The following SIGLECL1 variants were observed in gnomAD, a reference collection of about 807,000 sequenced individuals.
The protein encoded by SIGLECL1 is SIGLEC family like 1.
Under a neutral mutation model 19.1 loss-of-function variants are expected in SIGLECL1, and 16 were observed. That is an observed-to-expected ratio of 0.84 (90% CI 0.57 to 1.27). SIGLECL1 has a LOEUF of 1.27. Among genes scored for constraint, SIGLECL1 ranks in the 50% most tolerant of loss-of-function variants. SIGLECL1 has a pLI of 0.00. For missense variants in SIGLECL1, 210 were observed against 239.4 expected (o/e 0.88, Z 0.81); for synonymous variants, 89 against 90.4 (o/e 0.98, Z 0.09).
intron 1 of SIGLECL1, among the ~76,000 whole-genome samples, chr19:51,252,296 CAA>C (rs71979736): frequency 4.6e-5 from 5 of 109,842 alleles, no homozygotes; most frequent in Non-Finnish European, 4.0e-5. Flanking sequence ...GACTCTGTCT[CAA>C]AAAAAAAAAA....
chr19:51,268,945 G>T lies in SIGLECL1; in HGVS notation c.*348G>T, dbSNP rs371687817. 10 of 227,998 alleles carry T rather than the reference G, an allele frequency of 4.4e-5. No homozygotes were observed. Among genetic ancestry groups the T allele is most frequent in the Non-Finnish European group, 6.0e-5 (7 of 115,944 alleles). 14.1% of individuals were successfully genotyped at this position (227,998 alleles called of 1,614,324 possible). A position where few individuals can be genotyped will look rare whatever the true frequency, so the allele number is the denominator to read the frequency against. On this transcript the variant is annotated 3_prime_UTR_variant, in exon 6 of 6. Coordinates refer to ENST00000601727, the MANE Select transcript of SIGLECL1 (RefSeq NM_001385465.1). Reference sequence around the variant, plus strand: ...GTCCATCAGCAAGTTACTTTTGAGCGCCTACTGTGTGTCAGTGCCTGAGAT... The same window carrying T: ...GTCCATCAGCAAGTTACTTTTGAGCTCCTACTGTGTGTCAGTGCCTGAGAT...
chr19:51,258,692 A>G (rs1036828468), intron 1 of SIGLECL1, among the ~76,000 whole-genome samples: 4 of 152,218 alleles, frequency 2.6e-5, no homozygotes, highest in African/African-American at 9.6e-5. Flanking sequence ...GGCAAAGAAA[A>G]TTAGAGTGGT....
chr19:51,251,363 G>A lies in SIGLECL1; in HGVS notation c.-373G>A, dbSNP rs544531568. Reference sequence around the variant, plus strand: ...CGCAGGTCGGTTAGGCCACCAGGGCGGCTCTCGTGCCAGTGAGGCCCCTGA... The same window carrying A: ...CGCAGGTCGGTTAGGCCACCAGGGCAGCTCTCGTGCCAGTGAGGCCCCTGA... On this transcript the variant is annotated 5_prime_UTR_variant, in exon 1 of 6. Coordinates refer to ENST00000601727, the MANE Select transcript of SIGLECL1 (RefSeq NM_001385465.1). 4 of 152,832 alleles carry A rather than the reference G, an allele frequency of 2.6e-5. No individual in the cohort carries two copies. Among genetic ancestry groups the A allele is most frequent in the Admixed American group, 6.5e-5 (1 of 15,308 alleles). The allele number at this position is 152,832 out of a possible 1,614,324, so 9.5% of individuals were successfully genotyped here.
upstream of SIGLECL1, among the ~76,000 whole-genome samples, chr19:51,247,618 C>T (rs1041557737): frequency 1.3e-5 from 2 of 152,160 alleles, no homozygotes; most frequent in African/African-American, 2.4e-5. Context: ...GGGGTTTCAC[C>T]TTGTTAATCA....
At chr19:51,260,707 C>T (rs1197583071) in intron 1 of SIGLECL1, among the ~76,000 whole-genome samples, 1 of 152,128 alleles carries the variant, frequency 6.6e-6, no homozygotes, top group African/African-American at 2.4e-5. Context: ...GTACCACATT[C>T]TCACCAAGAC....
intron 4 of SIGLECL1, 37 bp from the exon 5 acceptor site, chr19:51,267,336 T>TG (rs758516178): frequency 1.1e-5 from 18 of 1,596,922 alleles, no homozygotes; most frequent in Non-Finnish European, 1.4e-5. Flanking sequence ...TTCAGGGAGA[T>TG]GGAGAGCCAG....
Position 51,268,568 on chromosome 19 carries a change from C to T in SIGLECL1, c.568-3C>T, listed in dbSNP as rs1983846415. 1.2e-6 allele frequency: 2 copies of T among 1,613,796 alleles called. No homozygotes were observed. Among genetic ancestry groups the T allele is most frequent in the East Asian group, 4.5e-5 (2 of 44,880 alleles). ...TTTGTTCTATTTTGCACCTCGCTTT[C>T]AGGAAAAGCAAGATAAACGAGCCAG... On this transcript the variant is annotated splice_polypyrimidine_tract_variant and splice_region_variant and intron_variant, in intron 5 of 5. Coordinates refer to ENST00000601727, the MANE Select transcript of SIGLECL1 (RefSeq NM_001385465.1).
chr19:51,260,537 A>T (rs1983137528), intron 1 of SIGLECL1, among the ~76,000 whole-genome samples: 1 of 152,146 alleles, frequency 6.6e-6, no homozygotes, highest in African/African-American at 2.4e-5. Context: ...ACCACTGTAA[A>T]CATTTTTGCA....
At chr19:51,255,655 G>C (rs1025692378) in intron 1 of SIGLECL1, among the ~76,000 whole-genome samples, 1 of 152,052 alleles carries the variant, frequency 6.6e-6, no homozygotes, top group Admixed American at 6.6e-5. Flanking sequence ...CATAAAAGAA[G>C]ACATACCAAA....
intron 1 of SIGLECL1, among the ~76,000 whole-genome samples, 152 bp downstream of exon 1, chr19:51,251,697 G>C (rs1009183645): frequency 8.5e-5 from 13 of 152,128 alleles, no homozygotes; most frequent in Non-Finnish European, 1.0e-4. Context: ...CGGTCTCTTG[G>C]TAAGTTACAC....
chr19:51,251,806 T>C (rs1015663898), intron 1 of SIGLECL1, among the ~76,000 whole-genome samples: 1 of 152,210 alleles, frequency 6.6e-6, no homozygotes, highest in African/African-American at 2.4e-5. Flanking sequence ...ATCGTTTTCC[T>C]CACCATAAAT....
upstream of SIGLECL1, among the ~76,000 whole-genome samples, chr19:51,247,361 TG>T (rs1982298184): frequency 6.6e-6 from 1 of 152,186 alleles, no homozygotes; most frequent in African/African-American, 2.4e-5. Flanking sequence ...CATAGATACT[TG>T]AACAAAATGA....
At chr19:51,246,958 G>A (rs11084061), upstream of SIGLECL1, among the ~76,000 whole-genome samples, 20,252 of 152,158 alleles carry the variant, frequency 0.13, 2,027 homozygotes, top group Admixed American at 0.32. Flanking sequence ...AATCGCTTAC[G>A]TCCAGATGAA....
At chr19:51,265,048 T>C (rs941418132) in intron 2 of SIGLECL1, among the ~76,000 whole-genome samples, 1 of 152,112 alleles carries the variant, frequency 6.6e-6, no homozygotes, top group African/African-American at 2.4e-5. Context: ...AAGAGGAACA[T>C]TGCAGGTGGG....
chr19:51,269,059 A>ATCT lies in SIGLECL1; in HGVS notation c.*464_*466dup, dbSNP rs1365053684. On this transcript the variant is annotated 3_prime_UTR_variant, in exon 6 of 6. Coordinates refer to ENST00000601727, the MANE Select transcript of SIGLECL1 (RefSeq NM_001385465.1). ...TGGTGGCTGTCTATCTTTGGACAAG[A>ATCT]TCTTTCATTCCCCATCCTTTGAACA... The ATCT allele has an allele frequency of 6.1e-6, 1 of 162,666 alleles. No homozygotes were observed. The highest frequency in any genetic ancestry group is 1.3e-5 in the Non-Finnish European group (1 of 74,144). The allele number at this position is 162,666 out of a possible 1,614,324, so 10.1% of individuals were successfully genotyped here.
intron 1 of SIGLECL1, chr19:51,256,098 C>A (rs1052726581): frequency 2.6e-5 from 4 of 152,010 alleles, no homozygotes; most frequent in African/African-American, 9.7e-5. Context: ...CACGCACACA[C>A]ACACACACAC....
At chr19:51,252,903 C>G (rs779369498) in intron 1 of SIGLECL1, among the ~76,000 whole-genome samples, 7 of 151,876 alleles carry the variant, frequency 4.6e-5, no homozygotes, top group Non-Finnish European at 1.0e-4. Context: ...GGTGAGAAGA[C>G]TGCTTGAGCC....
In SIGLECL1 at chr19:51,265,563, C is replaced by A; in HGVS notation, c.218C>A (p.Thr73Asn). Residue 73 changes from threonine to asparagine, a missense_variant, in exon 3 of 6, where the codon ACT becomes AAT. By Grantham distance (65) the Thr-to-Asn change is moderately conservative. Coordinates refer to ENST00000601727, the MANE Select transcript of SIGLECL1 (RefSeq NM_001385465.1). ...TGGGCTAACAGCACCATCAGCCTAA[C>A]TGAAGAGCCAGAAATGGGCATGAGA... ...GPWANSTISL[T>N]EEPEMGMRLL... 6.2e-7 allele frequency: 1 copy of A among 1,614,194 alleles called. No homozygotes were observed. The highest frequency in any genetic ancestry group is 1.1e-5 in the South Asian group (1 of 91,088).
chr19:51,261,580 T>A (rs112913142), intron 1 of SIGLECL1, among the ~76,000 whole-genome samples: 7 of 152,272 alleles, frequency 4.6e-5, no homozygotes, highest in African/African-American at 1.4e-4. Flanking sequence ...GAGCCACCGC[T>A]CCCGGCCCAT....
Sources: gnomAD v4.1 joint callset for allele counts (sites outside exome capture counted in the v4.1 genomes callset) on GRCh38, gnomAD v4.1.1 for gene constraint, MANE v1.5 for transcripts, NCBI Gene and HGNC (gene_info 2026-07-23, HGNC 2026-07-21) for gene names.